The following MYPN variants were observed in gnomAD, a reference collection of about 807,000 sequenced individuals.
The protein encoded by MYPN is sarcomeric protein myopalladin, 145 kDa (MYOP).
In MYPN, 63 loss-of-function variants were observed where a neutral mutation model predicts 129.4. That is an observed-to-expected ratio of 0.49 (90% CI 0.40 to 0.60). The LOEUF (loss-of-function observed/expected upper bound fraction) is 0.60. Among genes scored for constraint, MYPN ranks in the 20% least tolerant of loss-of-function variants. The pLI, the probability that MYPN is intolerant of heterozygous loss-of-function variation, is 0.00. For synonymous variants in MYPN, 629 were observed against 600.9 expected, an observed-to-expected ratio of 1.05 and a Z score of -0.68; for missense variants, 1,596 against 1,635.4, an observed-to-expected ratio of 0.98 and a Z score of 0.42.
At chr10:68,185,803 T>C (rs1250112442) in intron 12 of MYPN, among the ~76,000 whole-genome samples, 1 of 151,994 alleles carries the variant, frequency 6.6e-6, no homozygotes, top group Non-Finnish European at 1.5e-5. Flanking sequence ...ATCATATCAA[T>C]TTAGAATCAT....
intron 10 of MYPN, among the ~76,000 whole-genome samples, chr10:68,170,196 A>G (rs971870103): frequency 6.6e-6 from 1 of 152,202 alleles, no homozygotes; most frequent in African/African-American, 2.4e-5. Flanking sequence ...ACATATTGCC[A>G]CCATGAACAA....
At chr10:68,099,751 G>A (rs2041973358) in intron 1 of MYPN, among the ~76,000 whole-genome samples, 1 of 152,184 alleles carries the variant, frequency 6.6e-6, no homozygotes, top group African/African-American at 2.4e-5. Flanking sequence ...GTGAGAGATA[G>A]TAAATCACCT....
In MYPN at chr10:68,109,566, C is replaced by T. The variant is rs1379171491; in HGVS notation, c.-159C>T. The T allele has an allele frequency of 2.2e-6, 1 of 454,088 alleles. No individual in the cohort carries two copies. Among genetic ancestry groups the T allele is most frequent in the Admixed American group, 2.3e-5 (1 of 42,574 alleles). 28.1% of individuals were successfully genotyped at this position (454,088 alleles called of 1,614,324 possible). ...CCATCTTCACTGAAACTAAGGTTAACTCCTCACTCTCTATGGACGGCTACT... is the reference window on the plus strand; with the variant it reads ...CCATCTTCACTGAAACTAAGGTTAATTCCTCACTCTCTATGGACGGCTACT... On this transcript the variant is annotated 5_prime_UTR_variant, in exon 1 of 20. Transcript: ENST00000358913.
At chr10:68,171,476 C>T (rs1435810705) in intron 10 of MYPN, among the ~76,000 whole-genome samples, 2 of 152,180 alleles carry the variant, frequency 1.3e-5, no homozygotes, top group African/African-American at 4.8e-5. Flanking sequence ...ATGAGAAACT[C>T]TGGGGATGGG....
chr10:68,190,271 C>G (rs2043490396), intron 13 of MYPN, among the ~76,000 whole-genome samples: 1 of 152,200 alleles, frequency 6.6e-6, no homozygotes, highest in African/African-American at 2.4e-5. Flanking sequence ...ACTGCAACCT[C>G]TGCCTCCCAG....
rs560119421 is a variant in MYPN at position 68,122,243 on chromosome 10, C to G, written c.805C>G (p.Pro269Ala). 9 of 1,613,328 alleles carry G rather than the reference C, an allele frequency of 5.6e-6. No individual in the cohort carries two copies. The South Asian group carries it at 8.8e-5, about 16-fold the overall frequency. ...CTATGAAGAACCTCTGGGGCAACCT[C>G]CCCGGTTCACTCAAAAGTTACGGAG... is the stretch of plus-strand genomic sequence containing the variant. The part of the protein sequence containing the change: ...LYYEEPLGQP[P>A]RFTQKLRSRE... Residue 269 changes from proline to alanine, a missense_variant, in exon 2 of 20, where the codon CCC becomes GCC. Coordinates refer to ENST00000358913, the MANE Select transcript of MYPN (RefSeq NM_032578.4).
upstream of MYPN, chr10:68,106,132 CT>C (rs2042010256): frequency 2.2e-6 from 1 of 453,734 alleles, no homozygotes; most frequent in African/African-American, 2.0e-5. Flanking sequence ...GAGATTTGGA[CT>C]TTAGATGATC....
upstream of MYPN, among the ~76,000 whole-genome samples, chr10:68,104,332 T>G (rs965163629): frequency 3.9e-5 from 6 of 152,186 alleles, no homozygotes; most frequent in African/African-American, 1.4e-4. Context: ...GCTAACCTTA[T>G]GAAGAGAGAA....
Position 68,175,362 on chromosome 10 carries a change from T to C in MYPN, c.2604T>C (p.Pro868=). The C allele has an allele frequency of 6.2e-7, 1 of 1,614,048 alleles. No homozygotes were observed. Among genetic ancestry groups the C allele is most frequent in the Non-Finnish European group, 8.5e-7 (1 of 1,179,966 alleles). ...TAGCGAAGAAAAATACAAAGTCTCC[T>C]CAACCAGTGAATGATGATAACATTC... is the stretch of plus-strand genomic sequence containing the variant. ...QGLAKKNTKS[P]QPVNDDNIRE... Residue 868 remains proline, a synonymous_variant, in exon 12 of 20, where the codon CCT becomes CCC. Coordinates refer to ENST00000358913, the MANE Select transcript of MYPN (RefSeq NM_032578.4).
Position 68,121,770 on chromosome 10 carries a change from T to C in MYPN, c.332T>C (p.Leu111Ser). 1 of 1,614,190 alleles carries C rather than the reference T, an allele frequency of 6.2e-7. No individual in the cohort carries two copies. The highest frequency in any genetic ancestry group is 8.5e-7 in the Non-Finnish European group (1 of 1,180,034). Residue 111 changes from leucine (L) to serine (S), a missense_variant, in exon 2 of 20, where the codon TTA becomes TCA. Coordinates refer to ENST00000358913, the MANE Select transcript of MYPN (RefSeq NM_032578.4). The part of the protein sequence containing the change: ...SPDQMKHSPN[L>S]SFEPNFCQDN... The stretch of plus-strand genomic sequence containing the variant: ...GATCAGATGAAACACTCACCTAATT[T>C]AAGTTTTGAGCCTAACTTCTGCCAG...
At chr10:68,096,034 AT>A (rs1253811044) in intron 1 of MYPN, among the ~76,000 whole-genome samples, 2 of 152,230 alleles carry the variant, frequency 1.3e-5, no homozygotes, top group Non-Finnish European at 2.9e-5. Flanking sequence ...ATAGAATAGA[AT>A]TATGCTAAGA....
intron 6 of MYPN, among the ~76,000 whole-genome samples, chr10:68,155,120 G>A (rs1224908772): frequency 6.6e-6 from 1 of 152,148 alleles, no homozygotes; most frequent in African/African-American, 2.4e-5. Context: ...AGTGGAGGTT[G>A]CAGTGACCCG....
At chr10:68,090,777 A>C (rs1043942436) in intron 1 of MYPN, among the ~76,000 whole-genome samples, 2 of 152,158 alleles carry the variant, frequency 1.3e-5, no homozygotes, top group African/African-American at 2.4e-5. Flanking sequence ...TTTCATGCTA[A>C]AGGTGACACA....
chr10:68,172,106 C>A (rs1247766557), intron 10 of MYPN, among the ~76,000 whole-genome samples: 9 of 152,272 alleles, frequency 5.9e-5, no homozygotes, highest in African/African-American at 2.2e-4. Flanking sequence ...GTAATTCTAG[C>A]ACTTTTGGAG....
At chr10:68,093,884 G>A (rs1362724896) in intron 1 of MYPN, among the ~76,000 whole-genome samples, 2 of 152,124 alleles carry the variant, frequency 1.3e-5, no homozygotes, top group East Asian at 1.9e-4. Context: ...GATTATTCAC[G>A]AGTTTTCCAG....
intron 11 of MYPN, 86 bp downstream of exon 11, chr10:68,174,742 C>T: frequency 8.0e-7 from 1 of 1,248,672 alleles, no homozygotes; most frequent in East Asian, 2.4e-5. Context: ...ACAGGGCTCT[C>T]ATTTTGTGGA....
intron 1 of MYPN, among the ~76,000 whole-genome samples, chr10:68,090,916 G>A (rs1185382792): frequency 1.3e-5 from 2 of 152,064 alleles, no homozygotes; most frequent in African/African-American, 2.4e-5. Context: ...ACTCAGAAAC[G>A]TAATATATAT....
Position 68,122,009 on chromosome 10 carries a change from G to T in MYPN, c.571G>T (p.Val191Phe). Reference protein sequence around the residue: ...HKSKLESQNKVMQENSSSFSD... With the variant: ...HKSKLESQNKFMQENSSSFSD... ...GAGTAAACTGGAATCTCAAAACAAA[G>T]TTATGCAGGAAAACAGCTCCAGTTT... Residue 191 changes from valine (V) to phenylalanine (F), a missense_variant, in exon 2 of 20, where the codon GTT becomes TTT. By Grantham distance (50) the Val-to-Phe change is conservative. Transcript: ENST00000358913. 6.2e-7 allele frequency: 1 copy of T among 1,614,208 alleles called. No individual in the cohort carries two copies. The highest frequency in any genetic ancestry group is 1.6e-4 in the Middle Eastern group (1 of 6,062).
intron 5 of MYPN, among the ~76,000 whole-genome samples, chr10:68,149,262 T>G (rs1174827311): frequency 6.6e-6 from 1 of 152,188 alleles, no homozygotes; most frequent in Non-Finnish European, 1.5e-5. Context: ...AAAAGCTTAG[T>G]CAAGATTCTA....
Sources: gnomAD v4.1 joint callset for allele counts (sites outside exome capture counted in the v4.1 genomes callset) on GRCh38, gnomAD v4.1.1 for gene constraint, MANE v1.5 for transcripts, NCBI Gene and HGNC (gene_info 2026-07-23, HGNC 2026-07-21) for gene names.